The following CBL variants were observed in gnomAD, a reference collection of about 807,000 sequenced individuals.
The protein encoded by CBL is E3 ubiquitin-protein ligase CBL.
A neutral mutation model predicts 96.9 loss-of-function variants in CBL; 45 were observed. The observed-to-expected ratio is 0.46, with a 90% CI of 0.37 to 0.60. CBL has a LOEUF of 0.60. CBL is among the 20% of genes least tolerant of loss of function. The probability of loss-of-function intolerance (pLI) is 0.00; values close to 1 mark genes in which losing one functional copy is unlikely to be tolerated. For synonymous variants in CBL, 420 were observed against 426.8 expected (o/e 0.98, Z 0.20); for missense variants, 1,024 against 1,143.5 (o/e 0.90, Z 1.51).
chr11:119,288,630 T>C (rs1261230059), intron 12 of CBL, among the ~76,000 whole-genome samples: 2 of 152,174 alleles, frequency 1.3e-5, no homozygotes, highest in East Asian at 3.8e-4. Context: ...TCAGTATATA[T>C]GCATGCAGGG....
At chr11:119,294,522 C>T (rs183122099) in intron 12 of CBL, among the ~76,000 whole-genome samples, 59 of 151,598 alleles carry the variant, frequency 3.9e-4, no homozygotes, top group Non-Finnish European at 7.1e-4. Context: ...AGGCTGGGTG[C>T]GGTGGCTCAC....
intron 2 of CBL, among the ~76,000 whole-genome samples, chr11:119,233,940 A>G (rs1036893236): frequency 6.6e-6 from 1 of 152,200 alleles, no homozygotes; most frequent in Non-Finnish European, 1.5e-5. Flanking sequence ...TATTGCAACA[A>G]ATTACTCAGG....
intron 6 of CBL, among the ~76,000 whole-genome samples, chr11:119,277,108 G>A (rs1053595099): frequency 2.0e-5 from 3 of 152,218 alleles, no homozygotes; most frequent in East Asian, 1.9e-4. Context: ...TTAGCCGGAC[G>A]TGGTGGTGGG....
At chr11:119,228,175 G>A (rs1277353906) in intron 1 of CBL, among the ~76,000 whole-genome samples, 1 of 151,912 alleles carries the variant, frequency 6.6e-6, no homozygotes, top group East Asian at 1.9e-4. Context: ...GAATATGGTG[G>A]TGTGATCTTG....
intron 1 of CBL, among the ~76,000 whole-genome samples, chr11:119,222,662 T>G (rs1949420276): frequency 6.6e-6 from 1 of 151,322 alleles, no homozygotes; most frequent in Non-Finnish European, 1.5e-5. Flanking sequence ...AATTTTTTGG[T>G]GAATTTTTGT....
intron 2 of CBL, among the ~76,000 whole-genome samples, chr11:119,236,622 T>TATATATACAC (rs398017756): frequency 4.9e-5 from 7 of 144,310 alleles, no homozygotes; most frequent in African/African-American, 1.8e-4. Flanking sequence ...TATATATATA[T>TATATATACAC]ACCCATAGGA....
At chr11:119,271,676 G>T in intron 2 of CBL, 59 bp from the exon 3 acceptor site, 2 of 1,387,866 alleles carry the variant, frequency 1.4e-6, no homozygotes, top group Non-Finnish European at 1.0e-6. Context: ...GGTGAATTTG[G>T]TGCATTTAAA....
chr11:119,215,103 G>A (rs1029099307), intron 1 of CBL, among the ~76,000 whole-genome samples: 2 of 152,060 alleles, frequency 1.3e-5, no homozygotes, highest in Admixed American at 6.6e-5. Context: ...ATCAGCAGTA[G>A]GATTTTGAAA....
chr11:119,297,013 T>C lies in CBL; in HGVS notation c.2132T>C (p.Leu711Ser). 6.3e-7 allele frequency: 1 copy of C among 1,588,458 alleles called. No homozygotes were observed. Among genetic ancestry groups the C allele is most frequent in the Non-Finnish European group, 8.6e-7 (1 of 1,156,484 alleles). Reference sequence around the variant, plus strand: ...CCCTCTTCCAGGCCTCTACGGCCTTTGGATACATCCCAGAGTTCACGGTAG... The same window carrying C: ...CCCTCTTCCAGGCCTCTACGGCCTTCGGATACATCCCAGAGTTCACGGTAG... Reference protein sequence around the residue: ...MTPSSRPLRPLDTSQSSRACD... With the variant: ...MTPSSRPLRPSDTSQSSRACD... The change falls in exon 13 of 16, where the codon TTG becomes TCG. Residue 711 changes from leucine (L) to serine (S), a missense_variant. Physicochemically the swap from Leu to Ser is moderately radical, Grantham distance 145. Transcript: ENST00000264033.
At chr11:119,292,010 G>C (rs11217231) in intron 12 of CBL, among the ~76,000 whole-genome samples, 35,363 of 151,922 alleles carry the variant, frequency 0.23, 4,352 homozygotes, top group East Asian at 0.39. Flanking sequence ...GTGCCACCAT[G>C]CCTGGCTAAT....
At chr11:119,278,321 T>A (rs1435245664) in intron 8 of CBL, 24 bp downstream of exon 8, 5 of 1,613,672 alleles carry the variant, frequency 3.1e-6, no homozygotes, top group Non-Finnish European at 4.2e-6. Context: ...CAGCGACTTT[T>A]TTCAGCTATG....
rs190569484 is a variant in CBL, at chr11:119,301,514, T to G, written c.*1733T>G. The G allele has an allele frequency of 4.5e-4, 105 of 233,272 alleles. No individual in the cohort carries two copies. The Admixed American group carries it at 5.7e-3, about 13-fold the overall frequency. 14.5% of individuals were successfully genotyped at this position (233,272 alleles called of 1,614,324 possible). A position where few individuals can be genotyped will look rare whatever the true frequency, so the allele number is the denominator to read the frequency against. On this transcript the variant is annotated 3_prime_UTR_variant, in exon 16 of 16. Transcript: ENST00000264033. The stretch of plus-strand genomic sequence containing the variant: ...CTTTAGATCTACACAGAAATGACCC[T>G]CCTTGGATCAGTTTTCTTTCCAGTC...
chr11:119,220,004 C>G (rs1031576434), intron 1 of CBL, among the ~76,000 whole-genome samples: 2 of 152,098 alleles, frequency 1.3e-5, no homozygotes, highest in Non-Finnish European at 2.9e-5. Context: ...TGTGCGCCAC[C>G]ACGCCCGGCT....
intron 1 of CBL, among the ~76,000 whole-genome samples, chr11:119,221,054 G>A (rs988886174): frequency 6.6e-6 from 1 of 151,806 alleles, no homozygotes; most frequent in Admixed American, 6.6e-5. Flanking sequence ...AGACCAGCTT[G>A]TTCAACATGT....
At chr11:119,210,748 C>A (rs755418082) in intron 1 of CBL, among the ~76,000 whole-genome samples, 1 of 151,844 alleles carries the variant, frequency 6.6e-6, no homozygotes, top group Non-Finnish European at 1.5e-5. Context: ...GCCACCGCGC[C>A]TGGCTCAATT....
rs529684226 is a variant in CBL, at chr11:119,301,359, C to G, written c.*1578C>G. The stretch of plus-strand genomic sequence containing the variant: ...TTTTATATGCTGATAAATGATCCCT[C>G]GAGTTCAGTTAGTATTCTGTCCAGA... On this transcript the variant is annotated 3_prime_UTR_variant, in exon 16 of 16. Transcript: ENST00000264033. 4.3e-6 allele frequency: 1 copy of G among 233,236 alleles called. No individual in the cohort carries two copies. The highest frequency in any genetic ancestry group is 2.2e-5 in the African/African-American group (1 of 45,452). The allele number at this position is 233,236 out of a possible 1,614,324, so 14.4% of individuals were successfully genotyped here. A position where few individuals can be genotyped will look rare whatever the true frequency, so the allele number is the denominator to read the frequency against.
At chr11:119,261,509 A>T (rs1010454205) in intron 2 of CBL, among the ~76,000 whole-genome samples, 4 of 152,232 alleles carry the variant, frequency 2.6e-5, no homozygotes, top group African/African-American at 9.6e-5. Flanking sequence ...TTTTAAGTTG[A>T]TTGCATTAGC....
At chr11:119,277,271 A>ACACACACACACT (rs1555229985) in intron 6 of CBL, among the ~76,000 whole-genome samples, 2 of 151,392 alleles carry the variant, frequency 1.3e-5, no homozygotes, top group African/African-American at 2.4e-5. Context: ...ACACACACAC[A>ACACACACACACT]TAAAGAATTT....
rs1015589054 is a variant in CBL at position 119,305,515 on chromosome 11, C to T, written c.*5734C>T. 4 of 230,362 alleles carry T rather than the reference C, an allele frequency of 1.7e-5. No homozygotes were observed. The highest frequency in any genetic ancestry group is 3.4e-5 in the Non-Finnish European group (4 of 116,346). The allele number at this position is 230,362 out of a possible 1,614,324, so 14.3% of individuals were successfully genotyped here. A position where few individuals can be genotyped will look rare whatever the true frequency, so the allele number is the denominator to read the frequency against. ...TCCTCCACTCTCCTCCTCACCCTCT[C>T]GCTCCTTCCTGTGTGAGGGCCGCTC... On this transcript the variant is annotated 3_prime_UTR_variant, in exon 16 of 16. Coordinates refer to ENST00000264033, the MANE Select transcript of CBL (RefSeq NM_005188.4).
Sources: gnomAD v4.1 joint callset for allele counts (sites outside exome capture counted in the v4.1 genomes callset) on GRCh38, gnomAD v4.1.1 for gene constraint, MANE v1.5 for transcripts, NCBI Gene and HGNC (gene_info 2026-07-23, HGNC 2026-07-21) for gene names.